Variants in KCNMA1 observed in about 807,000 individuals in gnomAD.
KCNMA1 encodes Calcium-activated potassium channel subunit alpha-1.
In KCNMA1, 29 loss-of-function variants were observed where a neutral mutation model predicts 140.0. That is an observed-to-expected ratio of 0.21 (90% CI 0.15 to 0.28). KCNMA1 has a LOEUF of 0.28. Among genes scored for constraint, KCNMA1 ranks in the 10% least tolerant of loss-of-function variants. KCNMA1 has a pLI of 1.00. For missense variants in KCNMA1, 880 were observed against 1,602.2 expected, an observed-to-expected ratio of 0.55 and a Z score of 7.70; for synonymous variants, 612 against 611.9, an observed-to-expected ratio of 1.00 and a Z score of 0.00.
chr10:76,914,742 GAAGA>G (rs1311778206), intron 24 of KCNMA1, 190 bp downstream of exon 24: 3 of 537,602 alleles, frequency 5.6e-6, no homozygotes, highest in Admixed American at 3.0e-5. Context: ...ATTCATCTCA[GAAGA>G]AAGATAGATC....
At position 77,270,506 on chromosome 10, in the gene KCNMA1, T is replaced by C. The variant is rs2064748859; in HGVS notation, c.541-19250A>G. ...CCTTTCTTTCCTTTCTTTCTTTTCT[T>C]TTCTTTTCTCTCTCTCTCTCTTTCT... On this transcript the variant is annotated intron_variant, in intron 2 of 27. Transcript: ENST00000286628. 2.0e-5 allele frequency among the ~76,000 whole-genome samples: 3 copies of C among 151,838 alleles called. No homozygotes were observed. In the South Asian group the frequency reaches 6.2e-4, roughly 31 times the overall value.
chr10:77,228,524 G>A (rs1185033880), intron 3 of KCNMA1, among the ~76,000 whole-genome samples: 1 of 152,156 alleles, frequency 6.6e-6, no homozygotes, highest in Non-Finnish European at 1.5e-5. Flanking sequence ...TGCTAAAGAG[G>A]CTTGCCAGGG....
At chr10:77,504,733 T>C (rs969007572) in intron 1 of KCNMA1, among the ~76,000 whole-genome samples, 5 of 152,046 alleles carry the variant, frequency 3.3e-5, no homozygotes, top group Non-Finnish European at 7.4e-5. Context: ...AATCACTAGG[T>C]ATTACAGGCA....
intron 1 of KCNMA1, among the ~76,000 whole-genome samples, chr10:77,511,791 CA>C (rs2048515248): frequency 6.6e-6 from 1 of 152,092 alleles, no homozygotes; most frequent in African/African-American, 2.4e-5. Context: ...GCTGATGGCA[CA>C]GGGGTAAAAG....
At chr10:77,396,828 C>T (rs1028447518) in intron 2 of KCNMA1, among the ~76,000 whole-genome samples, 4 of 152,202 alleles carry the variant, frequency 2.6e-5, no homozygotes, top group Admixed American at 2.0e-4. Flanking sequence ...TGGAGCAATA[C>T]ACAGATGTAA....
intron 2 of KCNMA1, among the ~76,000 whole-genome samples, chr10:77,253,744 A>G (rs2060132527): frequency 6.6e-6 from 1 of 152,288 alleles, no homozygotes; most frequent in African/African-American, 2.4e-5. Flanking sequence ...GCCTCCTCTC[A>G]ATGAGATACA....
chr10:77,248,267 T>C (rs190563436), intron 3 of KCNMA1, among the ~76,000 whole-genome samples: 1 of 152,290 alleles, frequency 6.6e-6, no homozygotes, highest in East Asian at 1.9e-4. Context: ...GCCTGTTTTA[T>C]ACATTAATCG....
intron 27 of KCNMA1, 123 bp from the exon 28 acceptor site, chr10:76,887,638 C>T (rs2037735963): frequency 1.8e-6 from 2 of 1,121,392 alleles, no homozygotes. Flanking sequence ...AGATGCACTC[C>T]TAGCTGGTCT....
At chr10:77,473,665 G>A (rs373129309) in intron 1 of KCNMA1, among the ~76,000 whole-genome samples, 3 of 152,132 alleles carry the variant, frequency 2.0e-5, no homozygotes, top group African/African-American at 2.4e-5. Context: ...GACAGACATC[G>A]GGGGAAGGGT....
intron 24 of KCNMA1, chr10:76,911,611 A>G (rs2050293594): frequency 6.6e-6 from 1 of 152,238 alleles, no homozygotes; most frequent in South Asian, 2.1e-4. Context: ...CATCTGGATC[A>G]TGCCATGACT....
chr10:77,239,207 T>G (rs2056545775), intron 3 of KCNMA1, among the ~76,000 whole-genome samples: 1 of 152,248 alleles, frequency 6.6e-6, no homozygotes, highest in African/African-American at 2.4e-5. Context: ...AATGCACTCC[T>G]GTGCCACTTC....
At chr10:77,539,267 A>G (rs2059624364) in intron 1 of KCNMA1, among the ~76,000 whole-genome samples, 1 of 152,230 alleles carries the variant, frequency 6.6e-6, no homozygotes, top group Non-Finnish European at 1.5e-5. Flanking sequence ...TGCATTTTAA[A>G]GACAAGCAAG....
chr10:77,146,029 T>C (rs2098281534), intron 5 of KCNMA1, among the ~76,000 whole-genome samples: 1 of 152,228 alleles, frequency 6.6e-6, no homozygotes, highest in South Asian at 2.1e-4. Context: ...GTGCTTGCTA[T>C]AATTATTACT....
chr10:77,636,049 A>C (rs1272899540), intron 1 of KCNMA1: 1 of 315,458 alleles, frequency 3.2e-6, no homozygotes, highest in African/African-American at 2.2e-5. Flanking sequence ...CCTCGGTTTA[A>C]CTTTACTAGA....
chr10:77,282,230 G>T (rs529175567), intron 2 of KCNMA1, among the ~76,000 whole-genome samples: 1 of 152,278 alleles, frequency 6.6e-6, no homozygotes, highest in African/African-American at 2.4e-5. Flanking sequence ...TGTGGGGGCA[G>T]ATTTGGTACC....
chr10:77,537,839 G>A (rs556944636), intron 1 of KCNMA1, among the ~76,000 whole-genome samples: 14 of 151,934 alleles, frequency 9.2e-5, no homozygotes, highest in African/African-American at 3.4e-4. Flanking sequence ...TCCTCCCGGC[G>A]CACATTCTTC....
chr10:76,949,958 G>A (rs942880643), intron 21 of KCNMA1, among the ~76,000 whole-genome samples: 2 of 152,066 alleles, frequency 1.3e-5, no homozygotes, highest in African/African-American at 2.4e-5. Flanking sequence ...ACATTCTTTT[G>A]TATGTTCAGT....
At chr10:77,599,005 C>A (rs1030239931) in intron 1 of KCNMA1, among the ~76,000 whole-genome samples, 1 of 152,246 alleles carries the variant, frequency 6.6e-6, no homozygotes, top group East Asian at 1.9e-4. Context: ...GGGGGCCAGG[C>A]CCCAGCTCAG....
At chr10:77,399,499 T>C (rs576605238) in intron 2 of KCNMA1, among the ~76,000 whole-genome samples, 3 of 152,218 alleles carry the variant, frequency 2.0e-5, no homozygotes, top group Non-Finnish European at 4.4e-5. Context: ...TTCACTTTAA[T>C]GTAGAATCCC....
Sources: allele counts gnomAD v4.1 joint callset (sites outside exome capture counted in the v4.1 genomes callset), GRCh38; gene constraint gnomAD v4.1.1; transcripts MANE v1.5; gene names NCBI Gene and HGNC (gene_info 2026-07-23, HGNC 2026-07-21).